The following LRRTM4 variants were observed in gnomAD, a reference collection of about 807,000 sequenced individuals.
LRRTM4 encodes the protein leucine rich repeat transmembrane neuronal 4, also known as leucine-rich repeat transmembrane neuronal protein 4.
LRRTM4 carries 25 observed loss-of-function variants against 47.6 expected under a neutral mutation model. The ratio of observed to expected loss-of-function variants is 0.53; its 90% CI spans 0.38 to 0.73. The LOEUF (loss-of-function observed/expected upper bound fraction) is 0.73. LRRTM4 is among the 30% of genes least tolerant of loss of function. The probability of loss-of-function intolerance (pLI) is 0.00; values close to 1 mark genes in which losing one functional copy is unlikely to be tolerated. For missense variants in LRRTM4, 638 were observed against 713.4 expected, an observed-to-expected ratio of 0.89 and a Z score of 1.20; for synonymous variants, 311 against 269.5, an observed-to-expected ratio of 1.15 and a Z score of -1.51.
intron 3 of LRRTM4, among the ~76,000 whole-genome samples, chr2:77,065,924 A>G (rs1402899937): frequency 6.6e-6 from 1 of 152,192 alleles, no homozygotes; most frequent in African/African-American, 2.4e-5. Flanking sequence ...TACTTGCTAC[A>G]GCACCAAGCA....
chr2:77,415,853 G>T (rs1674616295), intron 3 of LRRTM4, among the ~76,000 whole-genome samples: 1 of 152,030 alleles, frequency 6.6e-6, no homozygotes, highest in Non-Finnish European at 1.5e-5. Context: ...TATATAAGAG[G>T]TATTCCCTAG....
chr2:77,210,218 T>G (rs1674253774), intron 3 of LRRTM4, among the ~76,000 whole-genome samples: 1 of 152,182 alleles, frequency 6.6e-6, no homozygotes, highest in African/African-American at 2.4e-5. Context: ...CCTCATGATG[T>G]CTCTTTTTCA....
chr2:77,406,590 C>T (rs976758559), intron 3 of LRRTM4, among the ~76,000 whole-genome samples: 8 of 151,932 alleles, frequency 5.3e-5, no homozygotes, highest in African/African-American at 1.2e-4. Flanking sequence ...TGTGAGCCAC[C>T]GCACCCAGTC....
chr2:76,889,397 G>A (rs1441660562), intron 3 of LRRTM4, among the ~76,000 whole-genome samples: 1 of 151,906 alleles, frequency 6.6e-6, no homozygotes. Context: ...AAACAAATGA[G>A]AAGAGTTCTT....
At chr2:76,807,339 G>A (rs67091611) in intron 3 of LRRTM4, among the ~76,000 whole-genome samples, 42,465 of 143,358 alleles carry the variant, frequency 0.3, 7,285 homozygotes, top group East Asian at 0.58. Flanking sequence ...ACAGATAGTT[G>A]TAAGTAAATA....
intron 3 of LRRTM4, among the ~76,000 whole-genome samples, chr2:76,786,199 A>T (rs1674661368): frequency 6.6e-6 from 1 of 152,158 alleles, no homozygotes; most frequent in East Asian, 1.9e-4. Context: ...GAAAGTCTCT[A>T]GCCTATCTTC....
chr2:77,122,005 T>C (rs1671532949), intron 3 of LRRTM4, among the ~76,000 whole-genome samples: 2 of 151,868 alleles, frequency 1.3e-5, no homozygotes, highest in African/African-American at 4.8e-5. Flanking sequence ...CTGCTATTGT[T>C]GTTTTAGAAG....
chr2:76,887,737 A>G (rs1341595079), intron 3 of LRRTM4, among the ~76,000 whole-genome samples: 1 of 142,278 alleles, frequency 7.0e-6, no homozygotes, highest in East Asian at 2.0e-4. Context: ...AGTATATATT[A>G]AAAGTTTAAA....
At chr2:77,147,674 C>G (rs535660742) in intron 3 of LRRTM4, among the ~76,000 whole-genome samples, 1 of 152,250 alleles carries the variant, frequency 6.6e-6, no homozygotes, top group South Asian at 2.1e-4. Context: ...CATTTGCAAG[C>G]AAGCATTGAT....
At chr2:77,244,334 A>G (rs974476119) in intron 3 of LRRTM4, among the ~76,000 whole-genome samples, 2 of 151,396 alleles carry the variant, frequency 1.3e-5, no homozygotes, top group African/African-American at 4.9e-5. Context: ...TAGATCCCTG[A>G]GGAATCGCCA....
At chr2:77,045,308 G>A (rs1042572639) in intron 3 of LRRTM4, among the ~76,000 whole-genome samples, 7 of 151,936 alleles carry the variant, frequency 4.6e-5, no homozygotes, top group African/African-American at 1.7e-4. Flanking sequence ...TTCAACAGTT[G>A]TCTTTTCCTC....
At chr2:76,872,697 C>A (rs561631871) in intron 3 of LRRTM4, among the ~76,000 whole-genome samples, 5 of 151,962 alleles carry the variant, frequency 3.3e-5, no homozygotes, top group African/African-American at 1.2e-4. Flanking sequence ...GATATTTGAC[C>A]CTCCAAACCT....
intron 3 of LRRTM4, among the ~76,000 whole-genome samples, chr2:76,952,937 A>G (rs948540211): frequency 7.9e-5 from 12 of 151,942 alleles, no homozygotes; most frequent in Non-Finnish European, 1.5e-4. Flanking sequence ...CAGGAAAAGG[A>G]AACTACTGCC....
At chr2:77,041,854 T>C (rs879607201) in intron 3 of LRRTM4, among the ~76,000 whole-genome samples, 1 of 150,214 alleles carries the variant, frequency 6.7e-6, no homozygotes, top group East Asian at 2.0e-4. Flanking sequence ...ACTTTTGCAC[T>C]GACCTAATAT....
chr2:77,017,224 C>T (rs960018235), intron 3 of LRRTM4, among the ~76,000 whole-genome samples: 2 of 152,044 alleles, frequency 1.3e-5, no homozygotes, highest in Admixed American at 1.3e-4. Flanking sequence ...TTAACTAAGG[C>T]CTGACCTCCT....
intron 3 of LRRTM4, among the ~76,000 whole-genome samples, chr2:77,169,273 G>A (rs1327710523): frequency 6.6e-6 from 1 of 152,116 alleles, no homozygotes; most frequent in East Asian, 1.9e-4. Flanking sequence ...TAGAAAAGAG[G>A]AAGTCAAATT....
At chr2:76,945,492 A>G (rs547348029) in intron 3 of LRRTM4, among the ~76,000 whole-genome samples, 3 of 152,154 alleles carry the variant, frequency 2.0e-5, no homozygotes, top group African/African-American at 7.2e-5. Flanking sequence ...GTTGGCAGAA[A>G]GAGGATTTAT....
chr2:76,769,359 T>A (rs1461748731), intron 3 of LRRTM4, among the ~76,000 whole-genome samples: 2 of 152,116 alleles, frequency 1.3e-5, no homozygotes, highest in Non-Finnish European at 2.9e-5. Context: ...ATGAAGAAAT[T>A]AATTTGGAAG....
intron 3 of LRRTM4, among the ~76,000 whole-genome samples, chr2:77,511,067 T>C (rs1199554719): frequency 3.3e-5 from 5 of 152,058 alleles, no homozygotes. Context: ...GAAAACTAGG[T>C]AAAGAAGACA....
Sources: gnomAD v4.1 joint callset for allele counts (sites outside exome capture counted in the v4.1 genomes callset) on GRCh38, gnomAD v4.1.1 for gene constraint, MANE v1.5 for transcripts, NCBI Gene and HGNC (gene_info 2026-07-23, HGNC 2026-07-21) for gene names.